The following SUGCT variants were observed in gnomAD, a reference collection of about 807,000 sequenced individuals.
SUGCT encodes succinyl-CoA:glutarate-CoA transferase.
A neutral mutation model predicts 55.0 loss-of-function variants in SUGCT; 41 were observed. That is an observed-to-expected ratio of 0.74 (90% CI 0.58 to 0.97). SUGCT has a LOEUF of 0.97. Among genes scored for constraint, SUGCT ranks in the 50% least tolerant of loss-of-function variants. The pLI is 0.00. For missense variants in SUGCT, 568 were observed against 547.8 expected (o/e 1.04, Z -0.37); for synonymous variants, 187 against 200.4 (o/e 0.93, Z 0.56).
intron 9 of SUGCT, among the ~76,000 whole-genome samples, chr7:40,378,548 C>T (rs1465923638): frequency 6.6e-6 from 1 of 152,200 alleles, no homozygotes; most frequent in African/African-American, 2.4e-5. Context: ...TCCCAGCTCA[C>T]TGCAATCCCT....
At chr7:40,966,110 C>A in the SUGCT span, 1 of 152,188 alleles carries the variant, frequency 6.6e-6, no homozygotes, top group African/African-American at 2.4e-5. Flanking sequence ...ATTAGTAAGA[C>A]AAAGGTTGAA....
At chr7:40,641,716 G>C (rs1007730373) in intron 12 of SUGCT, among the ~76,000 whole-genome samples, 2 of 152,152 alleles carry the variant, frequency 1.3e-5, no homozygotes, top group Non-Finnish European at 2.9e-5. Flanking sequence ...CATGTGTAAA[G>C]GTTTCCCCTT....
At position 40,787,739 on chromosome 7, in the gene SUGCT, G is replaced by A. The variant is rs1790092880; in HGVS notation, c.1153+38242G>A. Among the ~76,000 whole-genome samples the A allele has an allele frequency of 2.7e-5, 4 of 147,036 alleles. No individual in the cohort carries two copies. The South Asian group carries it at 8.9e-4, about 33-fold the overall frequency. The stretch of plus-strand genomic sequence containing the variant: ...AAAGAACCAGGAAAGGGGCAGGCTA[G>A]CATGATAGAAAATGTTTAGACAGTA... On this transcript the variant is annotated intron_variant, in intron 13 of 13. Coordinates refer to ENST00000335693, the MANE Select transcript of SUGCT (RefSeq NM_001193313.2).
chr7:40,951,827 A>G, the SUGCT span, among the ~76,000 whole-genome samples: 1 of 152,142 alleles, frequency 6.6e-6, no homozygotes, highest in Non-Finnish European at 1.5e-5. Flanking sequence ...ACAGTTTGTT[A>G]TAATTTCTGT....
At chr7:41,016,509 C>T in the SUGCT span, among the ~76,000 whole-genome samples, 4 of 152,086 alleles carry the variant, frequency 2.6e-5, no homozygotes, top group African/African-American at 7.2e-5. Flanking sequence ...TTTGCTACCC[C>T]GCCCTCCACT....
chr7:40,590,847 C>T (rs571817062), intron 12 of SUGCT, among the ~76,000 whole-genome samples: 147 of 152,258 alleles, frequency 9.7e-4, no homozygotes, highest in African/African-American at 3.1e-3. Context: ...GATTACACTG[C>T]GTCTGTTTAC....
At chr7:40,783,945 C>T (rs567509095) in intron 13 of SUGCT, among the ~76,000 whole-genome samples, 1 of 152,262 alleles carries the variant, frequency 6.6e-6, no homozygotes, top group Non-Finnish European at 1.5e-5. Context: ...TGAATTCTGA[C>T]CTCCTAAAGG....
chr7:40,677,852 G>C (rs1040650812), intron 12 of SUGCT, among the ~76,000 whole-genome samples: 4 of 152,216 alleles, frequency 2.6e-5, no homozygotes, highest in African/African-American at 9.6e-5. Context: ...CTGTGGGTCT[G>C]AAATTCAGAA....
chr7:40,222,322 C>T (rs1788064899), intron 6 of SUGCT, among the ~76,000 whole-genome samples: 1 of 152,230 alleles, frequency 6.6e-6, no homozygotes, highest in East Asian at 1.9e-4. Flanking sequence ...GCTGGGTCAC[C>T]AGAGTAATAC....
intron 12 of SUGCT, among the ~76,000 whole-genome samples, chr7:40,589,959 G>C (rs534161369): frequency 6.6e-6 from 1 of 151,932 alleles, no homozygotes; most frequent in East Asian, 1.9e-4. Context: ...TTGAAGTTTT[G>C]TGGCAGCCTT....
At chr7:40,826,482 C>G (rs751704594) in intron 13 of SUGCT, among the ~76,000 whole-genome samples, 1 of 152,122 alleles carries the variant, frequency 6.6e-6, no homozygotes, top group Non-Finnish European at 1.5e-5. Context: ...GTGAAGAAAT[C>G]AGATGGAGAA....
At chr7:40,610,250 G>A (rs930966191) in intron 12 of SUGCT, among the ~76,000 whole-genome samples, 3 of 152,144 alleles carry the variant, frequency 2.0e-5, no homozygotes, top group Non-Finnish European at 2.9e-5. Flanking sequence ...CCACATTAAG[G>A]AAATATTTAT....
At chr7:40,698,864 T>C (rs1403795148) in intron 12 of SUGCT, among the ~76,000 whole-genome samples, 1 of 152,186 alleles carries the variant, frequency 6.6e-6, no homozygotes, top group East Asian at 1.9e-4. Flanking sequence ...TGATTTCTGG[T>C]CTGCTGAAAA....
At chr7:40,653,996 T>TAA (rs75171760) in intron 12 of SUGCT, among the ~76,000 whole-genome samples, 1 of 142,972 alleles carries the variant, frequency 7.0e-6, no homozygotes, top group African/African-American at 2.6e-5. Flanking sequence ...CAACAACAAT[T>TAA]AAAAAAAAAA....
intron 12 of SUGCT, among the ~76,000 whole-genome samples, chr7:40,542,875 A>G (rs1246784841): frequency 3.3e-5 from 5 of 152,200 alleles, no homozygotes; most frequent in African/African-American, 9.6e-5. Flanking sequence ...GGAAATGGCC[A>G]TATCTATAAG....
chr7:40,215,840 C>T (rs747761437), intron 6 of SUGCT, among the ~76,000 whole-genome samples: 12 of 148,784 alleles, frequency 8.1e-5, no homozygotes, highest in South Asian at 2.1e-4. Context: ...CCAGCCTGGG[C>T]GACACAGCAA....
intron 9 of SUGCT, among the ~76,000 whole-genome samples, chr7:40,428,763 T>C (rs1295640366): frequency 6.6e-6 from 1 of 152,202 alleles, no homozygotes; most frequent in Non-Finnish European, 1.5e-5. Context: ...CATTAAAAGG[T>C]TTACATACCA....
At chr7:40,582,458 G>A (rs1444938908) in intron 12 of SUGCT, among the ~76,000 whole-genome samples, 1 of 152,132 alleles carries the variant, frequency 6.6e-6, no homozygotes, top group Non-Finnish European at 1.5e-5. Flanking sequence ...ACAGGGTCTT[G>A]AGTTGAATAT....
At chr7:40,474,374 G>A (rs143158799) in intron 11 of SUGCT, among the ~76,000 whole-genome samples, 226 of 152,208 alleles carry the variant, frequency 1.5e-3, no homozygotes, top group African/African-American at 5.2e-3. Flanking sequence ...CTGGGGCTCA[G>A]TCATGTTGGG....
Sources: allele counts gnomAD v4.1 joint callset (sites outside exome capture counted in the v4.1 genomes callset), GRCh38; gene constraint gnomAD v4.1.1; transcripts MANE v1.5; gene names NCBI Gene and HGNC (gene_info 2026-07-23, HGNC 2026-07-21).